The following RIPOR1 variants were observed in gnomAD, a reference collection of about 807,000 sequenced individuals.
The protein encoded by RIPOR1 is rho family-interacting cell polarization regulator 1.
A neutral mutation model predicts 116.5 loss-of-function variants in RIPOR1; 58 were observed. The observed-to-expected ratio is 0.50, with a 90% CI of 0.40 to 0.62. The LOEUF (loss-of-function observed/expected upper bound fraction) is 0.62, where lower values mean the gene tolerates loss of function less well. Ranked by LOEUF, RIPOR1 falls within the 20% of genes least tolerant of loss-of-function variation. RIPOR1 has a pLI of 0.00. For missense variants in RIPOR1, 1,372 were observed against 1,586.2 expected, an observed-to-expected ratio of 0.86 and a Z score of 2.29; for synonymous variants, 605 against 650.0, an observed-to-expected ratio of 0.93 and a Z score of 1.05.
At chr16:67,519,053 G>A (rs1233620226) in intron 1 of RIPOR1, among the ~76,000 whole-genome samples, 8 of 152,248 alleles carry the variant, frequency 5.3e-5, no homozygotes, top group Admixed American at 5.2e-4. Flanking sequence ...GGGAGGCTGA[G>A]GTGGGTGGAT....
Position 67,545,346 on chromosome 16 carries a change from C to T in RIPOR1, c.3032-30C>T. The T allele has an allele frequency of 6.2e-7, 1 of 1,605,126 alleles. No individual in the cohort carries two copies. The highest frequency in any genetic ancestry group is 8.5e-7 in the Non-Finnish European group (1 of 1,174,720). On this transcript the variant is annotated intron_variant, in intron 17 of 21. Coordinates refer to ENST00000042381, the MANE Select transcript of RIPOR1 (RefSeq NM_024519.4). This position sits in a 1 kb window ranked among gnomAD's most constrained non-coding sequence, Gnocchi z 4.8. ...CCTCTAAAAGCTGTGTTCACCCAAA[C>T]TCTGAGGCCCATGCTACTGCCTCCT...
upstream of RIPOR1, among the ~76,000 whole-genome samples, chr16:67,524,085 G>C (rs1484194594): frequency 6.6e-6 from 1 of 152,188 alleles, no homozygotes; most frequent in African/African-American, 2.4e-5. Flanking sequence ...AGTGTCTCCT[G>C]TTGTTTGTGT....
At chr16:67,539,803 G>A (rs1466030308) in intron 5 of RIPOR1, 43 bp from the exon 6 acceptor site, 1 of 1,614,192 alleles carries the variant, frequency 6.2e-7, no homozygotes. Context: ...GGGAGGGTAA[G>A]GACCCTGGGC....
At chr16:67,527,037 T>A (rs1164996158), upstream of RIPOR1, among the ~76,000 whole-genome samples, 3 of 152,148 alleles carry the variant, frequency 2.0e-5, no homozygotes, top group Non-Finnish European at 4.4e-5. Context: ...AGTGAATGGA[T>A]GGGAGCCCTG....
Position 67,543,191 on chromosome 16 carries a change from A to G in RIPOR1, c.2405A>G (p.Asp802Gly). ...CTGGGGGCCCTAATGGCTGCCCTGG[A>G]TGACTACCGTGGCCAGTTTCCTGAG... is the stretch of plus-strand genomic sequence containing the variant. Reference protein sequence around the residue: ...EALGALMAALDDYRGQFPELQ... With the variant: ...EALGALMAALGDYRGQFPELQ... Residue 802 changes from aspartate (D) to glycine (G), a missense_variant, in exon 13 of 22, where the codon GAT becomes GGT. Coordinates refer to ENST00000042381, the MANE Select transcript of RIPOR1 (RefSeq NM_024519.4). This position sits in a 1 kb window ranked among gnomAD's most constrained non-coding sequence, Gnocchi z 4.7. 1.9e-6 allele frequency: 3 copies of G among 1,551,846 alleles called. No homozygotes were observed. Among genetic ancestry groups the G allele is most frequent in the Non-Finnish European group, 2.6e-6 (3 of 1,148,348 alleles).
At chr16:67,524,565 C>A (rs117488946), upstream of RIPOR1, among the ~76,000 whole-genome samples, 1 of 152,176 alleles carries the variant, frequency 6.6e-6, no homozygotes, top group East Asian at 1.9e-4. Flanking sequence ...TCCCTAGATC[C>A]CTCAGATGCC....
In RIPOR1 at chr16:67,519,499, C is replaced by T. The variant is rs555528384; in HGVS notation, c.-24+886C>T. On this transcript the variant is annotated intron_variant, in intron 1 of 1. Coordinates refer to the RIPOR1 transcript ENST00000562116. ...CTGCGTGGACAATGAACAAGGACAC[C>T]GAGTGATGTGTATCCTTGGCAAGTG... 8.5e-5 allele frequency among the ~76,000 whole-genome samples: 13 copies of T among 152,124 alleles called. No individual in the cohort carries two copies. In the East Asian group the frequency reaches 1.9e-3, roughly 23 times the overall value.
In RIPOR1 at chr16:67,538,979, C is replaced by T; in HGVS notation, c.258-11C>T. The T allele has an allele frequency of 6.2e-7, 1 of 1,613,926 alleles. No homozygotes were observed. Among genetic ancestry groups the T allele is most frequent in the South Asian group, 1.1e-5 (1 of 91,048 alleles). ...AGCCGAGTTCATTCTTGTGGTCGCC[C>T]CTTTCCTCAGGGCCTACTTGGAAGT... On this transcript the variant is annotated splice_polypyrimidine_tract_variant and intron_variant, in intron 3 of 21. Transcript: ENST00000042381.
chr16:67,541,237 T>G lies in RIPOR1; in HGVS notation c.802-193T>G, dbSNP rs942599909. On this transcript the variant is annotated intron_variant, in intron 10 of 21. Coordinates refer to ENST00000042381, the MANE Select transcript of RIPOR1 (RefSeq NM_024519.4). This position sits in a 1 kb window ranked among gnomAD's most constrained non-coding sequence, Gnocchi z 4.6. ...CACCACCATGCCTGGCTAAAAATTT[T>G]TTTTTTTTTTTTTTTTGAGACAGAG... is the stretch of plus-strand genomic sequence containing the variant. The G allele has an allele frequency of 4.4e-6, 2 of 457,840 alleles. No individual in the cohort carries two copies. The highest frequency in any genetic ancestry group is 7.3e-6 in the Non-Finnish European group (2 of 273,492). 28.4% of individuals were successfully genotyped at this position (457,840 alleles called of 1,614,324 possible).
rs1424420030 is a variant in RIPOR1, at chr16:67,544,260, T to C, written c.2601-39T>C. On this transcript the variant is annotated intron_variant, in intron 14 of 21. Coordinates refer to ENST00000042381, the MANE Select transcript of RIPOR1 (RefSeq NM_024519.4). The surrounding 1 kb of genome is among the most constrained non-coding windows in gnomAD (Gnocchi z 5.1). The stretch of plus-strand genomic sequence containing the variant: ...ATAAACGCTGGTGACCAGGTGGTGA[T>C]GTGTGCCTGTGGGGTGGTGGACCCC... The C allele has an allele frequency of 1.3e-6, 2 of 1,572,566 alleles. No individual in the cohort carries two copies. The highest frequency in any genetic ancestry group is 1.8e-5 in the Admixed American group (1 of 55,570).
chr16:67,534,453 T>C (rs1421220588), intron 1 of RIPOR1, among the ~76,000 whole-genome samples: 1 of 152,210 alleles, frequency 6.6e-6, no homozygotes, highest in East Asian at 1.9e-4. Context: ...AATTTTACAT[T>C]GAAATATAAT....
chr16:67,520,097 G>T (rs1215915109), intron 1 of RIPOR1, among the ~76,000 whole-genome samples: 1 of 149,648 alleles, frequency 6.7e-6, no homozygotes, highest in Non-Finnish European at 1.5e-5. Flanking sequence ...GACTCTGAGG[G>T]CCGAGTGCAG....
rs754313163 is a variant in RIPOR1 at position 67,545,555 on chromosome 16, A to G, written c.3190+21A>G. ...GGAGGGTGAGGCGGTGGCCCTGATCACATAGTGGCCTCTTGGGGTCTGAGG... is the reference window on the plus strand; with the variant it reads ...GGAGGGTGAGGCGGTGGCCCTGATCGCATAGTGGCCTCTTGGGGTCTGAGG... On this transcript the variant is annotated intron_variant, in intron 18 of 21. Coordinates refer to ENST00000042381, the MANE Select transcript of RIPOR1 (RefSeq NM_024519.4). This position sits in a 1 kb window ranked among gnomAD's most constrained non-coding sequence, Gnocchi z 4.8. 3.7e-6 allele frequency: 6 copies of G among 1,613,202 alleles called. No homozygotes were observed. The highest frequency in any genetic ancestry group is 5.1e-6 in the Non-Finnish European group (6 of 1,179,480).
At chr16:67,520,135 T>C (rs2050482381) in intron 1 of RIPOR1, among the ~76,000 whole-genome samples, 1 of 150,154 alleles carries the variant, frequency 6.7e-6, no homozygotes, top group Non-Finnish European at 1.5e-5. Flanking sequence ...CCCAGCACTT[T>C]GGGAGGCTGA....
rs1276541995 is a variant in RIPOR1 at position 67,544,852 on chromosome 16, G to A, written c.2869+22G>A. 6.3e-7 allele frequency: 1 copy of A among 1,590,278 alleles called. No homozygotes were observed. The highest frequency in any genetic ancestry group is 1.1e-5 in the South Asian group (1 of 89,278). ...GAAGGTAAAGGCCCTGGGGGTTCGG[G>A]CTCTGCCATCTGCCTTGAAGCTCCT... is the stretch of plus-strand genomic sequence containing the variant. On this transcript the variant is annotated intron_variant, in intron 16 of 21. Transcript: ENST00000042381. This position sits in a 1 kb window ranked among gnomAD's most constrained non-coding sequence, Gnocchi z 5.1.
rs1276844591 is a variant in RIPOR1 at position 67,545,758 on chromosome 16, G to A, written c.3285G>A (p.Leu1095=). 5 of 1,612,346 alleles carry A rather than the reference G, an allele frequency of 3.1e-6. No homozygotes were observed. In the South Asian group the frequency reaches 5.5e-5, roughly 18 times the overall value. Reference sequence around the variant, plus strand: ...AGGGGCGTCTGCGAAGGGACGGGCTGCGGGCCCTCAGCTCCCTGCTCGTCC... The same window carrying A: ...AGGGGCGTCTGCGAAGGGACGGGCTACGGGCCCTCAGCTCCCTGCTCGTCC... ...APEGRLRRDG[L]RALSSLLVHG... is the part of the protein sequence containing the mutation. Residue 1095 remains leucine (L), a synonymous_variant, in exon 19 of 22, where the codon CTG becomes CTA. Transcript: ENST00000042381. The surrounding 1 kb of genome is among the most constrained non-coding windows in gnomAD (Gnocchi z 4.8).
intron 1 of RIPOR1, among the ~76,000 whole-genome samples, chr16:67,532,603 G>C (rs547849277): frequency 5.9e-5 from 9 of 152,146 alleles, no homozygotes; most frequent in Non-Finnish European, 1.3e-4. Flanking sequence ...GCAGCCTTGG[G>C]AAATAGCTGT....
Position 67,537,345 on chromosome 16 carries a change from C to T in RIPOR1, c.-23-1079C>T. The T allele has an allele frequency of 1.6e-6, 2 of 1,213,134 alleles. No individual in the cohort carries two copies. The highest frequency in any genetic ancestry group is 1.0e-6 in the Non-Finnish European group (1 of 971,820). The allele number at this position is 1,213,134 out of a possible 1,614,324, so 75.1% of individuals were successfully genotyped here. A position where few individuals can be genotyped will look rare whatever the true frequency, so the allele number is the denominator to read the frequency against. ...ACATTGCTGACCCCAGCTGAGCAGACCCCTCGCCCCCCGTCGGTCCCCTCC... is the reference window on the plus strand; with the variant it reads ...ACATTGCTGACCCCAGCTGAGCAGATCCCTCGCCCCCCGTCGGTCCCCTCC... On this transcript the variant is annotated intron_variant, in intron 1 of 21. Coordinates refer to ENST00000042381, the MANE Select transcript of RIPOR1 (RefSeq NM_024519.4). The surrounding 1 kb of genome is among the most constrained non-coding windows in gnomAD (Gnocchi z 4.6).
At chr16:67,523,503 T>G (rs999779124) in intron 1 of RIPOR1, among the ~76,000 whole-genome samples, 2 of 113,804 alleles carry the variant, frequency 1.8e-5, no homozygotes, top group African/African-American at 3.7e-5. Context: ...TCCAGCCTAG[T>G]GACAGAGCAA....
Sources: gnomAD v4.1 joint callset for allele counts (sites outside exome capture counted in the v4.1 genomes callset) on GRCh38, gnomAD v4.1.1 for gene constraint, Gnocchi (gnomAD v3.1) non-coding constraint, MANE v1.5 for transcripts, NCBI Gene and HGNC (gene_info 2026-07-23, HGNC 2026-07-21) for gene names.